LNX1: variants seen among roughly 807,000 people sequenced by gnomAD.
LNX1 encodes the protein E3 ubiquitin-protein ligase LNX.
LNX1 carries 54 observed loss-of-function variants against 68.4 expected under a neutral mutation model. The ratio of observed to expected loss-of-function variants is 0.79; its 90% confidence interval spans 0.63 to 0.99. The LOEUF (loss-of-function observed/expected upper bound fraction) is 0.99, where lower values mean the gene tolerates loss of function less well. Ranked by LOEUF, LNX1 falls within the 50% of genes least tolerant of loss-of-function variation. The probability of loss-of-function intolerance (pLI) is 0.00; values close to 1 mark genes in which losing one functional copy is unlikely to be tolerated. For missense variants in LNX1, 906 were observed against 926.4 expected (o/e 0.98, Z 0.29); for synonymous variants, 336 against 350.0 (o/e 0.96, Z 0.45).
chr4:53,635,781 A>G (rs1291715253), intron 1 of LNX1, among the ~76,000 whole-genome samples: 1 of 152,218 alleles, frequency 6.6e-6, no homozygotes, highest in Non-Finnish European at 1.5e-5. Context: ...AGTGCTTTTA[A>G]TATCAGAGAG....
intron 2 of LNX1, among the ~76,000 whole-genome samples, chr4:53,562,721 T>C (rs1730371068): frequency 6.6e-6 from 1 of 152,168 alleles, no homozygotes; most frequent in African/African-American, 2.4e-5. Context: ...ACGAGGTGAT[T>C]ATAGTTAATA....
intron 1 of LNX1, among the ~76,000 whole-genome samples, chr4:53,582,935 CTCTT>C (rs1380222695): frequency 1.3e-5 from 2 of 152,140 alleles, no homozygotes. Context: ...GGCCTCATCT[CTCTT>C]TCTAAAATAA....
intron 1 of LNX1, among the ~76,000 whole-genome samples, chr4:53,584,244 G>C (rs1412307569): frequency 6.6e-6 from 1 of 152,126 alleles, no homozygotes; most frequent in Non-Finnish European, 1.5e-5. Context: ...ACATTTTCCG[G>C]CTGTGTTTCA....
chr4:53,477,162 GT>G (rs1298746082), intron 8 of LNX1, among the ~76,000 whole-genome samples, 181 bp from the exon 9 acceptor site: 1 of 152,170 alleles, frequency 6.6e-6, no homozygotes, highest in African/African-American at 2.4e-5. Flanking sequence ...GCATTCCAAG[GT>G]GCTGTTAAGA....
chr4:53,595,051 G>C (rs1308258104), upstream of LNX1, among the ~76,000 whole-genome samples: 2 of 152,158 alleles, frequency 1.3e-5, no homozygotes, highest in Non-Finnish European at 2.9e-5. Flanking sequence ...CAGAGAAGAG[G>C]GCTGATCAGG....
intron 9 of LNX1, among the ~76,000 whole-genome samples, chr4:53,469,253 C>T (rs1372219679): frequency 1.3e-4 from 20 of 151,968 alleles, no homozygotes; most frequent in East Asian, 1.9e-4. Context: ...AGGTACATAA[C>T]GAAATGAAGG....
chr4:53,652,009 ATGTGTG>A (rs139303198), intron 1 of LNX1, among the ~76,000 whole-genome samples: 1 of 127,394 alleles, frequency 7.8e-6, no homozygotes, highest in Non-Finnish European at 1.6e-5. Context: ...CCTCAATTTG[ATGTGTG>A]TGTGTGAGAG....
intron 2 of LNX1, among the ~76,000 whole-genome samples, chr4:53,563,195 C>T (rs1413689349): frequency 2.0e-5 from 3 of 151,966 alleles, no homozygotes; most frequent in Admixed American, 2.0e-4. Flanking sequence ...GATTCCAACT[C>T]AAAATAAATA....
intron 2 of LNX1, among the ~76,000 whole-genome samples, chr4:53,553,656 C>T (rs1378684256): frequency 3.9e-5 from 6 of 152,064 alleles, no homozygotes; most frequent in East Asian, 1.9e-4. Context: ...TGGAGGTCTG[C>T]GGATGAGGGC....
intron 1 of LNX1, among the ~76,000 whole-genome samples, chr4:53,632,362 G>C (rs973655531): frequency 2.6e-5 from 4 of 152,210 alleles, no homozygotes; most frequent in African/African-American, 4.8e-5. Flanking sequence ...TAGCTTCTGA[G>C]AGTGTGGCTG....
rs534194707 is a variant in LNX1 at position 53,503,811 on chromosome 4, C to T, written c.775+3506G>A. ...TTAAGAAAGTCCTAGATGGCATCTTCTCCCAATATAAGGCTGTATCATCTA... is the reference window on the plus strand; with the variant it reads ...TTAAGAAAGTCCTAGATGGCATCTTTTCCCAATATAAGGCTGTATCATCTA... On this transcript the variant is annotated intron_variant, in intron 4 of 10. Transcript: ENST00000263925. Among the ~76,000 whole-genome samples the T allele has an allele frequency of 5.9e-5, 9 of 152,310 alleles. No homozygotes were observed. The South Asian group carries it at 1.9e-3, about 32-fold the overall frequency.
chr4:53,521,492 T>G (rs1191630205), intron 2 of LNX1, among the ~76,000 whole-genome samples: 4 of 152,192 alleles, frequency 2.6e-5, no homozygotes, highest in African/African-American at 9.6e-5. Context: ...AATTGTGTTC[T>G]TCCTTGCTCG....
chr4:53,571,100 GC>G (rs1731136660), intron 2 of LNX1, among the ~76,000 whole-genome samples: 1 of 151,060 alleles, frequency 6.6e-6, no homozygotes, highest in South Asian at 2.1e-4. Context: ...CTTACTGGCA[GC>G]CTCTGCCTCC....
At chr4:53,507,585 A>G in intron 3 of LNX1, 116 bp from the exon 4 acceptor site, 2 of 1,173,024 alleles carry the variant, frequency 1.7e-6, no homozygotes, top group South Asian at 1.4e-5. Context: ...TCTGGGTGGT[A>G]GGATTGTAGA....
intron 3 of LNX1, 60 bp downstream of exon 3, chr4:53,507,926 C>T: frequency 6.3e-7 from 1 of 1,576,658 alleles, no homozygotes; most frequent in Non-Finnish European, 8.6e-7. Context: ...AGTAAGTATT[C>T]CACAGAGGGC....
chr4:53,470,752 T>C (rs557929711), intron 9 of LNX1, among the ~76,000 whole-genome samples: 1 of 151,904 alleles, frequency 6.6e-6, no homozygotes, highest in Non-Finnish European at 1.5e-5. Flanking sequence ...GCTTCAAAGA[T>C]AATAAAATAC....
intron 2 of LNX1, among the ~76,000 whole-genome samples, chr4:53,519,435 A>G (rs1577650029): frequency 7.2e-6 from 1 of 139,808 alleles, no homozygotes; most frequent in African/African-American, 2.6e-5. Context: ...AGTTTTGTTC[A>G]GTGTTTTTTT....
Position 53,568,580 on chromosome 4 carries a change from C to CACAAGACAGGG in LNX1, c.380+5042_380+5043insCCCTGTCTTGT, listed in dbSNP as rs1553939198. Among the ~76,000 whole-genome samples, 464 of 147,192 alleles carry CACAAGACAGGG rather than the reference C, an allele frequency of 3.2e-3. 2 individuals are homozygous for CACAAGACAGGG. The highest frequency in any genetic ancestry group is 4.6e-3 in the Admixed American group (68 of 14,892). On this transcript the variant is annotated intron_variant, in intron 2 of 10. Coordinates refer to ENST00000263925, the MANE Select transcript of LNX1 (RefSeq NM_001126328.3). ...AAACTGGAAGCATTCCCTTTGAAAA[C>CACAAGACAGGG]GGGCACAAGACAGGGGGGCACAAGA...
chr4:53,577,970 G>A (rs180672304), intron 1 of LNX1, among the ~76,000 whole-genome samples: 1 of 152,162 alleles, frequency 6.6e-6, no homozygotes, highest in East Asian at 1.9e-4. Flanking sequence ...ACTGTGCTAG[G>A]GGCCTTATAT....
Sources: allele counts gnomAD v4.1 joint callset (sites outside exome capture counted in the v4.1 genomes callset), GRCh38; gene constraint gnomAD v4.1.1; transcripts MANE v1.5; gene names NCBI Gene and HGNC (gene_info 2026-07-23, HGNC 2026-07-21).